The following DIP2B variants were observed in gnomAD, a reference collection of about 807,000 sequenced individuals.
The protein encoded by DIP2B is DIP2 acetate--CoA ligase B (putative).
DIP2B carries 76 observed loss-of-function variants against 198.0 expected under a neutral mutation model. The ratio of observed to expected loss-of-function variants is 0.38; its 90% confidence interval spans 0.32 to 0.46. The LOEUF is 0.46. DIP2B is among the 20% of genes least tolerant of loss of function. The pLI is 0.99. For synonymous variants in DIP2B, 701 were observed against 739.1 expected, an observed-to-expected ratio of 0.95 and a Z score of 0.84; for missense variants, 1,559 against 1,978.4, an observed-to-expected ratio of 0.79 and a Z score of 4.02.
rs1299123813 is a variant in DIP2B, at chr12:50,659,430, G to C, written c.302-764G>C. ...AGGAAACTATTTTTTTTGTGACTTAGGAAGCTACCTCAGCTGTTATCTACC... is the reference window on the plus strand; with the variant it reads ...AGGAAACTATTTTTTTTGTGACTTACGAAGCTACCTCAGCTGTTATCTACC... On this transcript the variant is annotated intron_variant, in intron 3 of 37. Transcript: ENST00000301180. Among the ~76,000 whole-genome samples the C allele has an allele frequency of 2.6e-5, 4 of 151,976 alleles. No homozygotes were observed. In the East Asian group the frequency reaches 7.7e-4, roughly 29 times the overall value.
intron 7 of DIP2B, 34 bp from the exon 8 acceptor site, chr12:50,678,645 A>C (rs1938987639): frequency 6.3e-7 from 1 of 1,596,862 alleles, no homozygotes; most frequent in African/African-American, 1.3e-5. Context: ...TGGTATTTGT[A>C]CTCATTTCAC....
chr12:50,637,923 A>G (rs915640896), intron 2 of DIP2B, among the ~76,000 whole-genome samples: 1 of 152,228 alleles, frequency 6.6e-6, no homozygotes, highest in Admixed American at 6.5e-5. Context: ...ATAGAAACAT[A>G]TTAGACTCTG....
At chr12:50,706,139 T>C (rs1007596366) in intron 20 of DIP2B, among the ~76,000 whole-genome samples, 39 of 152,308 alleles carry the variant, frequency 2.6e-4, no homozygotes, top group African/African-American at 8.9e-4. Flanking sequence ...ACTGTTTTAA[T>C]CTCCTCCTAA....
chr12:50,608,618 T>G (rs1299710374), intron 1 of DIP2B, among the ~76,000 whole-genome samples: 3 of 138,540 alleles, frequency 2.2e-5, no homozygotes, highest in Admixed American at 7.5e-5. Flanking sequence ...ATAGCAAGAC[T>G]CAGTCTCAAA....
chr12:50,588,832 A>G (rs890106964), intron 1 of DIP2B, among the ~76,000 whole-genome samples: 1 of 152,202 alleles, frequency 6.6e-6, no homozygotes. Context: ...TCCAGAATTT[A>G]TATTTGCTCA....
chr12:50,718,105 G>A (rs1232851054), intron 23 of DIP2B, among the ~76,000 whole-genome samples: 3 of 147,500 alleles, frequency 2.0e-5, no homozygotes, highest in Non-Finnish European at 4.5e-5. Flanking sequence ...TCACCATGTT[G>A]GCCAGGATGG....
At chr12:50,542,248 CAAAAAAAAA>C (rs35430997) in intron 1 of DIP2B, among the ~76,000 whole-genome samples, 2 of 51,300 alleles carry the variant, frequency 3.9e-5, no homozygotes, top group African/African-American at 7.1e-5. Context: ...GACTCCGTCT[CAAAAAAAAA>C]AAAAAAAAGA....
intron 2 of DIP2B, among the ~76,000 whole-genome samples, chr12:50,636,249 T>A (rs1264619387): frequency 1.3e-5 from 2 of 152,226 alleles, no homozygotes; most frequent in Non-Finnish European, 2.9e-5. Flanking sequence ...TGTATGTATG[T>A]ATGCATAGGG....
chr12:50,739,891 G>T (rs115126939), intron 36 of DIP2B, among the ~76,000 whole-genome samples: 1 of 152,190 alleles, frequency 6.6e-6, no homozygotes, highest in Non-Finnish European at 1.5e-5. Context: ...ATTCACATCC[G>T]GGACAAGCAT....
chr12:50,577,211 T>C (rs1197500933), intron 1 of DIP2B, among the ~76,000 whole-genome samples: 1 of 152,180 alleles, frequency 6.6e-6, no homozygotes, highest in Non-Finnish European at 1.5e-5. Flanking sequence ...GTAAGTTATA[T>C]GTATCCCTGT....
intron 3 of DIP2B, among the ~76,000 whole-genome samples, chr12:50,654,799 A>G (rs1938526069): frequency 6.6e-6 from 1 of 152,230 alleles, no homozygotes. Context: ...ATGATCAAGG[A>G]AACACAAATT....
At chr12:50,686,094 A>G in intron 11 of DIP2B, 138 bp downstream of exon 11, 1 of 888,412 alleles carries the variant, frequency 1.1e-6, no homozygotes, top group Non-Finnish European at 1.6e-6. Flanking sequence ...AGGTACCATT[A>G]TTATCCCCAT....
intron 1 of DIP2B, among the ~76,000 whole-genome samples, chr12:50,537,318 T>C (rs943168190): frequency 6.6e-6 from 1 of 151,938 alleles, no homozygotes; most frequent in African/African-American, 2.4e-5. Context: ...CTAGAAACCA[T>C]GTCTTATTCA....
chr12:50,719,135 C>A, intron 25 of DIP2B, 100 bp downstream of exon 25: 2 of 1,303,278 alleles, frequency 1.5e-6, no homozygotes. Context: ...CTGTTGCCAT[C>A]TCTGAAGAAG....
At chr12:50,562,641 G>A (rs1251038527) in intron 1 of DIP2B, among the ~76,000 whole-genome samples, 1 of 151,880 alleles carries the variant, frequency 6.6e-6, no homozygotes, top group African/African-American at 2.4e-5. Flanking sequence ...GCTGAGATGG[G>A]AGGATCATCT....
At chr12:50,574,871 G>T (rs1283854452) in intron 1 of DIP2B, among the ~76,000 whole-genome samples, 1 of 152,222 alleles carries the variant, frequency 6.6e-6, no homozygotes, top group Non-Finnish European at 1.5e-5. Flanking sequence ...GCCAAGGTTT[G>T]TTTATCGGAA....
At position 50,723,216 on chromosome 12, in the gene DIP2B, G is replaced by A. The variant is rs771811266; in HGVS notation, c.3181G>A (p.Ala1061Thr). The change falls in exon 27 of 38, where the codon GCC becomes ACC. Residue 1061 changes from alanine to threonine, a missense_variant. By Grantham distance (58) the Ala-to-Thr change is moderately conservative. Transcript: ENST00000301180. The part of the protein sequence containing the change: ...LLYPPGIELI[A>T]AFYGCLYAGC... ...TTGTCTTGCAGGCATTGAGTTAATC[G>A]CCGCCTTCTATGGCTGCCTGTATGC... 48 of 1,613,880 alleles carry A rather than the reference G, an allele frequency of 3.0e-5. No homozygotes were observed. In the Admixed American group the frequency reaches 3.0e-4, roughly 10 times the overall value.
intron 1 of DIP2B, among the ~76,000 whole-genome samples, chr12:50,525,535 CAG>C (rs1474074420): frequency 4.4e-5 from 6 of 136,986 alleles, no homozygotes; most frequent in Admixed American, 7.8e-5. Flanking sequence ...TTTTTTGAGA[CAG>C]AGTCTCACTC....
At chr12:50,542,435 G>T (rs1443808814) in intron 1 of DIP2B, among the ~76,000 whole-genome samples, 1 of 152,004 alleles carries the variant, frequency 6.6e-6, no homozygotes, top group African/African-American at 2.4e-5. Context: ...GAAAAGATTT[G>T]ATATTCCTGA....
Sources: gnomAD v4.1 joint callset for allele counts (sites outside exome capture counted in the v4.1 genomes callset) on GRCh38, gnomAD v4.1.1 for gene constraint, MANE v1.5 for transcripts, NCBI Gene and HGNC (gene_info 2026-07-23, HGNC 2026-07-21) for gene names.